Variants in ANKS1A observed in about 807,000 individuals in gnomAD.
The protein encoded by ANKS1A is ankyrin repeat and sterile alpha motif domain containing 1A.
ANKS1A carries 55 observed loss-of-function variants against 120.3 expected under a neutral mutation model. The observed-to-expected ratio is 0.46, with a 90% CI of 0.37 to 0.57. The LOEUF (loss-of-function observed/expected upper bound fraction) is 0.57. ANKS1A is among the 20% of genes least tolerant of loss of function. The pLI is 0.00. For synonymous variants in ANKS1A, 590 were observed against 604.7 expected (o/e 0.98, Z 0.36); for missense variants, 1,123 against 1,480.3 (o/e 0.76, Z 3.96).
chr6:35,003,410 A>G (rs1773270806), intron 10 of ANKS1A, among the ~76,000 whole-genome samples: 1 of 152,236 alleles, frequency 6.6e-6, no homozygotes, highest in South Asian at 2.1e-4. Context: ...CAGCTGAAAG[A>G]GAGGTCTATA....
chr6:34,949,390 A>G (rs1314518988), intron 1 of ANKS1A, among the ~76,000 whole-genome samples: 2 of 152,172 alleles, frequency 1.3e-5, no homozygotes, highest in Admixed American at 6.5e-5. Context: ...AGTTTTTCCC[A>G]TTGGTAAGAG....
In ANKS1A at chr6:34,982,037, G is replaced by T; in HGVS notation, c.732+51G>T. On this transcript the variant is annotated intron_variant, in intron 4 of 23. Coordinates refer to ENST00000360359, the MANE Select transcript of ANKS1A (RefSeq NM_015245.3). This position sits in a 1 kb window ranked among gnomAD's most constrained non-coding sequence, Gnocchi z 4.9. ...CAATCTCAAGAGACTCAGTCATTTT[G>T]CAGAAGGCACAAGGACCATGCTGCT... 1 of 1,595,674 alleles carries T rather than the reference G, an allele frequency of 6.3e-7. No homozygotes were observed. The highest frequency in any genetic ancestry group is 1.3e-5 in the African/African-American group (1 of 74,628).
At chr6:35,018,892 T>C (rs1254955322) in intron 11 of ANKS1A, among the ~76,000 whole-genome samples, 1 of 152,146 alleles carries the variant, frequency 6.6e-6, no homozygotes, top group Non-Finnish European at 1.5e-5. Flanking sequence ...AGAGGAAGGC[T>C]TTTCTATTCC....
intron 3 of ANKS1A, among the ~76,000 whole-genome samples, chr6:34,978,313 A>G (rs1771714111): frequency 6.6e-6 from 1 of 152,194 alleles, no homozygotes; most frequent in Non-Finnish European, 1.5e-5. Flanking sequence ...ATTGGGGGAA[A>G]TTTGGGCTAT....
intron 3 of ANKS1A, among the ~76,000 whole-genome samples, chr6:34,977,838 G>C (rs938514708): frequency 6.6e-6 from 1 of 152,170 alleles, no homozygotes; most frequent in Non-Finnish European, 1.5e-5. Context: ...TATAGGCCAG[G>C]TGTCCCTAAC....
chr6:35,018,842 GC>G (rs1263591886), intron 11 of ANKS1A, among the ~76,000 whole-genome samples: 3 of 152,154 alleles, frequency 2.0e-5, no homozygotes, highest in Non-Finnish European at 4.4e-5. Context: ...CATCCATGTT[GC>G]CTGAAAAGGA....
At chr6:35,080,847 ACACCC>A in intron 16 of ANKS1A, 142 bp from the exon 17 acceptor site, 22 of 918,466 alleles carry the variant, frequency 2.4e-5, no homozygotes, top group African/African-American at 3.3e-5. Context: ...CACCTGTCTG[ACACCC>A]CTGTGGTGTT....
intron 1 of ANKS1A, among the ~76,000 whole-genome samples, chr6:34,921,335 C>T (rs1260217706): frequency 6.6e-6 from 1 of 152,078 alleles, no homozygotes; most frequent in Non-Finnish European, 1.5e-5. Flanking sequence ...AGTGGATGAA[C>T]ATGGTTTTTT....
At chr6:35,029,685 T>C (rs1561924979) in intron 11 of ANKS1A, among the ~76,000 whole-genome samples, 3 of 150,146 alleles carry the variant, frequency 2.0e-5, no homozygotes, top group Admixed American at 1.3e-4. Flanking sequence ...AAGAAGACTT[T>C]CCTTACTCTA....
chr6:35,071,895 T>TC (rs1447904123), intron 13 of ANKS1A, among the ~76,000 whole-genome samples: 1 of 151,498 alleles, frequency 6.6e-6, no homozygotes, highest in African/African-American at 2.4e-5. Flanking sequence ...GGAGAGGGAG[T>TC]CCAAGGCCCA....
intron 10 of ANKS1A, among the ~76,000 whole-genome samples, chr6:35,010,989 G>T (rs1463900945): frequency 2.0e-5 from 3 of 152,194 alleles, no homozygotes; most frequent in African/African-American, 7.2e-5. Context: ...GCTGGCATTT[G>T]AATTATTGCT....
At chr6:34,967,079 C>T (rs550353934) in intron 1 of ANKS1A, among the ~76,000 whole-genome samples, 160 bp from the exon 2 acceptor site, 1 of 152,348 alleles carries the variant, frequency 6.6e-6, no homozygotes, top group South Asian at 2.1e-4. Flanking sequence ...TGCATCTCTG[C>T]AGTGTATAGC....
chr6:35,031,602 C>G (rs990371961), intron 11 of ANKS1A, among the ~76,000 whole-genome samples: 1 of 152,190 alleles, frequency 6.6e-6, no homozygotes, highest in Non-Finnish European at 1.5e-5. Context: ...CATTCAGACT[C>G]ACGTATCTGG....
chr6:34,942,309 C>A (rs1769575664), intron 1 of ANKS1A, among the ~76,000 whole-genome samples: 1 of 152,214 alleles, frequency 6.6e-6, no homozygotes, highest in Non-Finnish European at 1.5e-5. Context: ...CAGTGTATGA[C>A]AGAGGAATTG....
chr6:35,053,954 A>T lies in ANKS1A; in HGVS notation c.2011-145A>T, dbSNP rs952597088. 11 of 680,516 alleles carry T rather than the reference A, an allele frequency of 1.6e-5. No individual in the cohort carries two copies. The East Asian group carries it at 2.3e-4, about 14-fold the overall frequency. 42.2% of individuals were successfully genotyped at this position (680,516 alleles called of 1,614,324 possible). Reference sequence around the variant, plus strand: ...GGCCTCTCTTAGACCTGAGCAGCAGAGTCCTGATACCTTGCAGGCTGGTGC... The same window carrying T: ...GGCCTCTCTTAGACCTGAGCAGCAGTGTCCTGATACCTTGCAGGCTGGTGC... On this transcript the variant is annotated intron_variant, in intron 11 of 23. Transcript: ENST00000360359.
chr6:35,002,591 A>G (rs1024747542), intron 10 of ANKS1A, among the ~76,000 whole-genome samples: 2 of 152,100 alleles, frequency 1.3e-5, no homozygotes, highest in African/African-American at 2.4e-5. Flanking sequence ...GTATAATCCT[A>G]TTATATCCAA....
intron 3 of ANKS1A, among the ~76,000 whole-genome samples, chr6:34,974,550 T>C (rs1473607581): frequency 6.6e-6 from 1 of 151,982 alleles, no homozygotes; most frequent in Non-Finnish European, 1.5e-5. Flanking sequence ...CTTATCTTAG[T>C]TTTTTTGTTT....
intron 16 of ANKS1A, 124 bp downstream of exon 16, chr6:35,080,052 A>G: frequency 9.1e-7 from 1 of 1,101,832 alleles, no homozygotes; most frequent in East Asian, 2.6e-5. Context: ...CAACAAGAAG[A>G]GAGGAGTACA....
chr6:35,087,460 C>T (rs1778057773), intron 23 of ANKS1A, among the ~76,000 whole-genome samples: 2 of 152,178 alleles, frequency 1.3e-5, no homozygotes, highest in Admixed American at 6.5e-5. Flanking sequence ...CTGTGTGGCT[C>T]CCTCCTCCTG....
Sources: allele counts gnomAD v4.1 joint callset (sites outside exome capture counted in the v4.1 genomes callset), GRCh38; gene constraint gnomAD v4.1.1; non-coding constraint Gnocchi (gnomAD v3.1); transcripts MANE v1.5; gene names NCBI Gene and HGNC (gene_info 2026-07-23, HGNC 2026-07-21).